Variants in ADAM28 observed in about 807,000 individuals in gnomAD.
ADAM28 encodes the protein disintegrin and metalloproteinase domain-containing protein 28.
A neutral mutation model predicts 101.2 loss-of-function variants in ADAM28; 105 were observed. That is an observed-to-expected ratio of 1.04 (90% CI 0.89 to 1.22). The LOEUF (loss-of-function observed/expected upper bound fraction) is 1.22, where lower values mean the gene tolerates loss of function less well. Ranked by LOEUF, ADAM28 falls within the 50% of genes most tolerant of loss-of-function variation. The pLI, the probability that ADAM28 is intolerant of heterozygous loss-of-function variation, is 0.00. For missense variants in ADAM28, 1,028 were observed against 945.4 expected (o/e 1.09, Z -1.15); for synonymous variants, 322 against 310.6 (o/e 1.04, Z -0.39).
chr8:24,310,154 T>A lies in ADAM28; in HGVS notation c.228-9T>A. ...AGTAACCACAACATTTTTGTGTTTCTTTCTCCAGGAACCTCCTTGCACCAG... is the reference window on the plus strand; with the variant it reads ...AGTAACCACAACATTTTTGTGTTTCATTCTCCAGGAACCTCCTTGCACCAG... On this transcript the variant is annotated splice_polypyrimidine_tract_variant and intron_variant, in intron 3 of 22. Coordinates refer to ENST00000265769, the MANE Select transcript of ADAM28 (RefSeq NM_014265.6). The A allele has an allele frequency of 6.2e-7, 1 of 1,613,002 alleles. No homozygotes were observed. Among genetic ancestry groups the A allele is most frequent in the Admixed American group, 1.7e-5 (1 of 59,874 alleles).
rs145263656 is a variant in ADAM28 at position 24,351,772 on chromosome 8, T to C, written c.2179-215T>C. 7.2e-5 allele frequency among the ~76,000 whole-genome samples: 11 copies of C among 152,324 alleles called. No individual in the cohort carries two copies. In the East Asian group the frequency reaches 2.1e-3, roughly 29 times the overall value. On this transcript the variant is annotated intron_variant, in intron 20 of 22. Coordinates refer to ENST00000265769, the MANE Select transcript of ADAM28 (RefSeq NM_014265.6). Reference sequence around the variant, plus strand: ...ATAACATTGGTAATCATTTATAACATTGGTAATCATTTTTTGATGAAAACT... The same window carrying C: ...ATAACATTGGTAATCATTTATAACACTGGTAATCATTTTTTGATGAAAACT...
At chr8:24,324,177 AG>A (rs1288444786) in intron 9 of ADAM28, among the ~76,000 whole-genome samples, 174 bp downstream of exon 9, 1 of 151,772 alleles carries the variant, frequency 6.6e-6, no homozygotes, top group Non-Finnish European at 1.5e-5. Flanking sequence ...AAAAAAAGAG[AG>A]GGTCAATAAT....
At chr8:24,299,742 T>G (rs969932538) in intron 1 of ADAM28, 1 of 330,896 alleles carries the variant, frequency 3.0e-6, no homozygotes, top group Non-Finnish European at 5.5e-6. Flanking sequence ...ACCTGTAAAC[T>G]TTTAGTGGGG....
chr8:24,305,563 T>C (rs1268860000), intron 2 of ADAM28, among the ~76,000 whole-genome samples: 1 of 150,236 alleles, frequency 6.7e-6, no homozygotes, highest in African/African-American at 2.4e-5. Flanking sequence ...GTTTCATTAA[T>C]ACATGTTGGT....
intron 2 of ADAM28, among the ~76,000 whole-genome samples, chr8:24,309,344 G>T (rs1468740454): frequency 1.3e-5 from 2 of 152,108 alleles, no homozygotes; most frequent in Non-Finnish European, 2.9e-5. Context: ...AAAATCATGA[G>T]ATGTGATAGA....
At position 24,332,736 on chromosome 8, in the gene ADAM28, G is replaced by T. The variant is rs746405162; in HGVS notation, c.1358G>T (p.Cys453Phe). The T allele has an allele frequency of 1.3e-5, 19 of 1,459,452 alleles. No individual in the cohort carries two copies. The highest frequency in any genetic ancestry group is 1.6e-5 in the Non-Finnish European group (18 of 1,091,790). 90.4% of individuals were successfully genotyped at this position (1,459,452 alleles called of 1,614,324 possible). ...ATFQCALGEC[C>F]EKCQFKKAGM... ...TTTCAATGTGCATTAGGAGAATGTT[G>T]TGAAAAATGCCAAGTAAGATTATTT... Residue 453 changes from cysteine (C) to phenylalanine (F), a missense_variant, in exon 13 of 23, where the codon TGT (cysteine) becomes TTT (phenylalanine). Transcript: ENST00000265769.
Position 24,354,433 on chromosome 8 carries a change from A to AAATT in ADAM28, c.*31_*34dup. 6.2e-7 allele frequency: 1 copy of AAATT among 1,600,138 alleles called. No homozygotes were observed. The highest frequency in any genetic ancestry group is 8.5e-7 in the Non-Finnish European group (1 of 1,172,750). ...AACAGCTAAGCAAGAACTAATGGCT[A>AAATT]AATTATCAACTTGGAAAACTGGAAA... On this transcript the variant is annotated 3_prime_UTR_variant, in exon 23 of 23. Coordinates refer to ENST00000265769, the MANE Select transcript of ADAM28 (RefSeq NM_014265.6).
chr8:24,306,870 G>C (rs557761090), intron 2 of ADAM28, among the ~76,000 whole-genome samples: 1 of 152,200 alleles, frequency 6.6e-6, no homozygotes, highest in East Asian at 1.9e-4. Flanking sequence ...TCCTAATGCT[G>C]CTGCATGCCT....
At chr8:24,346,486 C>T (rs940091582) in intron 18 of ADAM28, among the ~76,000 whole-genome samples, 2 of 152,008 alleles carry the variant, frequency 1.3e-5, no homozygotes, top group Admixed American at 6.6e-5. Context: ...AAATCTTATG[C>T]CTTTTATGAA....
chr8:24,336,439 C>T (rs1251426313), intron 14 of ADAM28, among the ~76,000 whole-genome samples: 5 of 151,220 alleles, frequency 3.3e-5, no homozygotes, highest in African/African-American at 9.7e-5. Context: ...AAAAATTAGC[C>T]GGGCGTGCTA....
chr8:24,341,632 G>A lies in ADAM28; in HGVS notation c.1705G>A (p.Gly569Arg). ...TMCGKLFCQG[G>R]SDNLPWKGRI... Reference sequence around the variant, plus strand: ...GTGTGGGAAGTTGTTCTGTCAAGGTGGGTCGGATAATTTGCCCTGGAAAGG... The same window carrying A: ...GTGTGGGAAGTTGTTCTGTCAAGGTAGGTCGGATAATTTGCCCTGGAAAGG... Residue 569 changes from glycine to arginine, a missense_variant, in exon 16 of 23, where the codon GGG (glycine) becomes AGG (arginine). Transcript: ENST00000265769. 1 of 1,613,722 alleles carries A rather than the reference G, an allele frequency of 6.2e-7. No individual in the cohort carries two copies. Among genetic ancestry groups the A allele is most frequent in the East Asian group, 2.2e-5 (1 of 44,864 alleles).
At chr8:24,301,738 G>A (rs1808807630) in intron 2 of ADAM28, among the ~76,000 whole-genome samples, 1 of 152,060 alleles carries the variant, frequency 6.6e-6, no homozygotes, top group Non-Finnish European at 1.5e-5. Context: ...TTAATATATG[G>A]GAGAGTCCAT....
intron 9 of ADAM28, among the ~76,000 whole-genome samples, chr8:24,325,768 G>A (rs916778843): frequency 6.8e-6 from 1 of 146,574 alleles, no homozygotes; most frequent in Non-Finnish European, 1.5e-5. Context: ...GTAAAATACA[G>A]GTTCAATTTC....
chr8:24,322,720 T>C (rs905957549), intron 8 of ADAM28: 1 of 151,974 alleles, frequency 6.6e-6, no homozygotes. Context: ...CAGTGAAGGA[T>C]GATAACATGG....
At chr8:24,351,926 A>ACTT in intron 20 of ADAM28, 61 bp from the exon 21 acceptor site, 1 of 1,569,256 alleles carries the variant, frequency 6.4e-7, no homozygotes, top group Non-Finnish European at 8.8e-7. Flanking sequence ...CTTAAAAATT[A>ACTT]CTTAAAAACT....
chr8:24,325,702 A>G (rs2129294733), intron 9 of ADAM28, among the ~76,000 whole-genome samples: 1 of 151,628 alleles, frequency 6.6e-6, no homozygotes, highest in African/African-American at 2.4e-5. Flanking sequence ...ACGTTTTCTA[A>G]TTTTCTCATT....
chr8:24,325,883 A>ACAAAC (rs1554514033), intron 9 of ADAM28, among the ~76,000 whole-genome samples: 1 of 114,674 alleles, frequency 8.7e-6, no homozygotes, highest in African/African-American at 2.9e-5. Flanking sequence ...AAAAAAAAAA[A>ACAAAC]AAAAAAAAAA....
At chr8:24,339,592 C>G in intron 15 of ADAM28, 24 bp downstream of exon 15, 1 of 1,573,786 alleles carries the variant, frequency 6.4e-7, no homozygotes, top group East Asian at 2.3e-5. Flanking sequence ...TCTGAACCTT[C>G]CTGCTTCACA....
chr8:24,304,118 T>C (rs1809221211), intron 2 of ADAM28, among the ~76,000 whole-genome samples: 1 of 151,650 alleles, frequency 6.6e-6, no homozygotes, highest in Non-Finnish European at 1.5e-5. Context: ...GTGAAGTGTT[T>C]TTAATCACAG....
Sources: allele counts gnomAD v4.1 joint callset (sites outside exome capture counted in the v4.1 genomes callset), GRCh38; gene constraint gnomAD v4.1.1; transcripts MANE v1.5; gene names NCBI Gene and HGNC (gene_info 2026-07-23, HGNC 2026-07-21).